Variants in ZBTB5 observed in about 807,000 individuals in gnomAD.
ZBTB5 encodes zinc finger and BTB domain containing 5.
ZBTB5 carries 15 observed loss-of-function variants against 37.9 expected under a neutral mutation model. That is an observed-to-expected ratio of 0.40 (90% CI 0.26 to 0.61). ZBTB5 has a LOEUF of 0.61. Among genes scored for constraint, ZBTB5 ranks in the 20% least tolerant of loss-of-function variants. The pLI is 0.47. For missense variants in ZBTB5, 708 were observed against 856.8 expected (o/e 0.83, Z 2.17); for synonymous variants, 315 against 312.4 (o/e 1.01, Z -0.09).
Position 37,465,277 on chromosome 9 carries a change from C to T in ZBTB5, c.-67G>A, listed in dbSNP as rs1448889941. The T allele has an allele frequency of 6.6e-6, 1 of 152,148 alleles. No individual in the cohort carries two copies. The highest frequency in any genetic ancestry group is 1.9e-4 in the East Asian group (1 of 5,182). The allele number at this position is 152,148 out of a possible 1,614,324, so 9.4% of individuals were successfully genotyped here. A position where few individuals can be genotyped will look rare whatever the true frequency, so the allele number is the denominator to read the frequency against. ...AGGCGGTGACCCCTCTCCGATCGGA[C>T]TCGGCAGTGTCAGAGGAGGTGGGAA... is the stretch of plus-strand genomic sequence containing the variant. On this transcript the variant is annotated 5_prime_UTR_variant, in exon 1 of 2. Transcript: ENST00000307750.
Position 37,440,071 on chromosome 9 carries a change from T to G in ZBTB5, c.*447A>C, listed in dbSNP as rs1473089424. On this transcript the variant is annotated 3_prime_UTR_variant, in exon 2 of 2. Transcript: ENST00000307750. ...CAGACAGGTGTGTCCTCAAAGGCCT[T>G]CCTTTAAGACAGGCACCAAATCACC... 2 of 172,080 alleles carry G rather than the reference T, an allele frequency of 1.2e-5. No homozygotes were observed. Among genetic ancestry groups the G allele is most frequent in the Non-Finnish European group, 2.5e-5 (2 of 79,470 alleles). The allele number at this position is 172,080 out of a possible 1,614,324, so 10.7% of individuals were successfully genotyped here.
intron 1 of ZBTB5, among the ~76,000 whole-genome samples, chr9:37,457,589 T>C (rs997930740): frequency 6.6e-6 from 1 of 152,248 alleles, no homozygotes; most frequent in African/African-American, 2.4e-5. Context: ...CATAGATTTG[T>C]ATGGGACAGT....
intron 1 of ZBTB5, among the ~76,000 whole-genome samples, chr9:37,450,988 G>A (rs1588779549): frequency 6.6e-6 from 1 of 152,070 alleles, no homozygotes; most frequent in East Asian, 1.9e-4. Context: ...CAGGAACCTG[G>A]GCAACATGGT....
intron 1 of ZBTB5, among the ~76,000 whole-genome samples, chr9:37,453,974 C>T (rs993237007): frequency 4.6e-5 from 7 of 152,146 alleles, no homozygotes; most frequent in Admixed American, 2.0e-4. Flanking sequence ...CTCTGGAATC[C>T]AGGTATGACT....
chr9:37,447,565 G>C (rs1427517863), intron 1 of ZBTB5, among the ~76,000 whole-genome samples: 4 of 152,172 alleles, frequency 2.6e-5, no homozygotes, highest in African/African-American at 9.7e-5. Flanking sequence ...CTGGCTTCAA[G>C]CAATCCTCCT....
chr9:37,455,842 T>G (rs930336205), intron 1 of ZBTB5, among the ~76,000 whole-genome samples: 4 of 148,846 alleles, frequency 2.7e-5, no homozygotes, highest in African/African-American at 9.9e-5. Context: ...AGGCTAGGAT[T>G]TTTTTTTTTT....
In ZBTB5 at chr9:37,441,101, T is replaced by G. The variant is rs771098478; in HGVS notation, c.1451A>C (p.Glu484Ala). 1 of 1,613,920 alleles carries G rather than the reference T, an allele frequency of 6.2e-7. No individual in the cohort carries two copies. The highest frequency in any genetic ancestry group is 1.3e-5 in the African/African-American group (1 of 74,884). ...CTGCACACACGGCAGGCCCATCACC[T>G]CCTGCATAGGCCTGACGAAGTGGGA... ...ADSHFVRPMQEVMGLPCVQTS... is the reference protein window; with the variant it reads ...ADSHFVRPMQAVMGLPCVQTS... The change falls in exon 2 of 2, where the codon GAG (glutamate) becomes GCG (alanine). Residue 484 changes from glutamate (E) to alanine (A), a missense_variant. By Grantham distance (107) the Glu-to-Ala change is moderately radical. This residue lies in a region of ZBTB5 where 639 missense variants were observed against 690.5 expected (regional missense o/e 0.93). Transcript: ENST00000307750.
intron 1 of ZBTB5, among the ~76,000 whole-genome samples, chr9:37,458,858 T>C (rs72739652): frequency 0.14 from 21,091 of 152,290 alleles, 1,802 homozygotes; most frequent in Middle Eastern, 0.23. Flanking sequence ...TAAGCTAATG[T>C]ATTTTAATGC....
rs1191301137 is a variant in ZBTB5 at position 37,440,877 on chromosome 9, T to C, written c.1675A>G (p.Ser559Gly). 6.2e-7 allele frequency: 1 copy of C among 1,614,038 alleles called. No individual in the cohort carries two copies. Among genetic ancestry groups the C allele is most frequent in the Non-Finnish European group, 8.5e-7 (1 of 1,180,034 alleles). The change falls in exon 2 of 2, where the codon AGT becomes GGT. Residue 559 changes from serine to glycine, a missense_variant. Ser to Gly is a moderately conservative substitution (Grantham distance 56). Around this residue, in one of 3 missense-constraint regions of ZBTB5, gnomAD observed 639 missense variants for 690.5 expected, o/e 0.93. Transcript: ENST00000307750. Reference protein sequence around the residue: ...RSSQIPENSTSSQLMMNGATS... With the variant: ...RSSQIPENSTGSQLMMNGATS... ...GCTCCATTCATCATTAGCTGAGAACTGGTAGAGTTTTCTGGGATCTGTGAG... is the reference window on the plus strand; with the variant it reads ...GCTCCATTCATCATTAGCTGAGAACCGGTAGAGTTTTCTGGGATCTGTGAG...
chr9:37,460,807 G>A (rs913611493), intron 1 of ZBTB5, among the ~76,000 whole-genome samples: 11 of 152,096 alleles, frequency 7.2e-5, no homozygotes, highest in African/African-American at 2.4e-4. Context: ...GTTTGGGGCT[G>A]CAGTGAGTTA....
At chr9:37,450,261 T>A (rs1041242558) in intron 1 of ZBTB5, among the ~76,000 whole-genome samples, 6 of 152,058 alleles carry the variant, frequency 3.9e-5, no homozygotes, top group Non-Finnish European at 7.4e-5. Context: ...CAAATTTTCT[T>A]GGCCCGAGAC....
At chr9:37,448,089 T>G (rs1435362499) in intron 1 of ZBTB5, among the ~76,000 whole-genome samples, 1 of 152,208 alleles carries the variant, frequency 6.6e-6, no homozygotes, top group African/African-American at 2.4e-5. Context: ...AAGAGGCTAC[T>G]GAGGTAGCTA....
intron 1 of ZBTB5, among the ~76,000 whole-genome samples, chr9:37,449,674 G>C (rs1325650064): frequency 6.9e-6 from 1 of 145,438 alleles, no homozygotes; most frequent in African/African-American, 2.6e-5. Flanking sequence ...ACTCTAGTCT[G>C]CGCGATAGTA....
rs552613979 is a variant in ZBTB5 at position 37,441,568 on chromosome 9, C to A, written c.984G>T (p.Val328=). ...GTGAGCTCAGGGGCTCAGATTTAACCACCACTCTCATGTGCTCCTTCTCAC... is the reference window on the plus strand; with the variant it reads ...GTGAGCTCAGGGGCTCAGATTTAACAACCACTCTCATGTGCTCCTTCTCAC... The part of the protein sequence containing the change: ...GLGEKEHMRV[V]VKSEPLSSPE... The change falls in exon 2 of 2, where the codon GTG becomes GTT. Residue 328 remains valine (V), a synonymous_variant. Transcript: ENST00000307750. The A allele has an allele frequency of 3.7e-6, 6 of 1,612,894 alleles. No individual in the cohort carries two copies. In the African/African-American group the frequency reaches 8.0e-5, roughly 22 times the overall value.
intron 1 of ZBTB5, among the ~76,000 whole-genome samples, chr9:37,462,198 G>C (rs1328566110): frequency 1.3e-5 from 2 of 152,106 alleles, no homozygotes; most frequent in Non-Finnish European, 2.9e-5. Flanking sequence ...ATTATTTCAT[G>C]TAACACTAGG....
intron 1 of ZBTB5, among the ~76,000 whole-genome samples, chr9:37,449,230 A>G (rs781029999): frequency 1.7e-4 from 26 of 152,160 alleles, no homozygotes; most frequent in Non-Finnish European, 3.7e-4. Flanking sequence ...CAAAAAGAAA[A>G]AAGTTATTTA....
At chr9:37,444,408 C>T (rs898622635) in intron 1 of ZBTB5, among the ~76,000 whole-genome samples, 4 of 152,124 alleles carry the variant, frequency 2.6e-5, no homozygotes, top group Non-Finnish European at 5.9e-5. Flanking sequence ...CCTTGTTGGT[C>T]AGGCTGGTTT....
At chr9:37,457,242 GT>G (rs1824206174) in intron 1 of ZBTB5, among the ~76,000 whole-genome samples, 1 of 152,066 alleles carries the variant, frequency 6.6e-6, no homozygotes. Flanking sequence ...TTTTTGTTTT[GT>G]TTTGTTTTTG....
chr9:37,460,660 G>A (rs533252166), intron 1 of ZBTB5, among the ~76,000 whole-genome samples: 20 of 152,142 alleles, frequency 1.3e-4, no homozygotes, highest in African/African-American at 4.8e-4. Context: ...GAGTCCAGGA[G>A]TCTAAGACCA....
Sources: allele counts gnomAD v4.1 joint callset (sites outside exome capture counted in the v4.1 genomes callset), GRCh38; gene constraint gnomAD v4.1.1; regional missense constraint gnomAD v4.1.1; transcripts MANE v1.5; gene names NCBI Gene and HGNC (gene_info 2026-07-23, HGNC 2026-07-21).